Variants in TDP1 observed in about 807,000 individuals in gnomAD.
TDP1 encodes tyrosyl-DNA phosphodiesterase 1.
A neutral mutation model predicts 81.5 loss-of-function variants in TDP1; 64 were observed. That is an observed-to-expected ratio of 0.79 (90% CI 0.64 to 0.97). The LOEUF (loss-of-function observed/expected upper bound fraction) is 0.97, where lower values mean the gene tolerates loss of function less well. Among genes scored for constraint, TDP1 ranks in the 50% least tolerant of loss-of-function variants. TDP1 has a pLI of 0.00. For synonymous variants in TDP1, 256 were observed against 264.3 expected (o/e 0.97, Z 0.30); for missense variants, 723 against 743.8 (o/e 0.97, Z 0.33).
chr14:90,020,024 G>A (rs544963965), intron 15 of TDP1, among the ~76,000 whole-genome samples: 12 of 152,288 alleles, frequency 7.9e-5, no homozygotes, highest in East Asian at 1.9e-4. Context: ...GAAAAGCACC[G>A]TGTCGAACTG....
chr14:90,007,998 CT>C (rs1884247443), intron 14 of TDP1, among the ~76,000 whole-genome samples: 1 of 152,196 alleles, frequency 6.6e-6, no homozygotes, highest in South Asian at 2.1e-4. Flanking sequence ...GAAAAGCTGT[CT>C]CATCTCTGGC....
intron 5 of TDP1, among the ~76,000 whole-genome samples, chr14:89,970,128 G>T (rs928233996): frequency 6.6e-6 from 1 of 151,884 alleles, no homozygotes; most frequent in Non-Finnish European, 1.5e-5. Context: ...TGCCCGCCTC[G>T]GCCTCCCAAA....
At chr14:90,018,658 T>G (rs915696237) in intron 14 of TDP1, among the ~76,000 whole-genome samples, 5 of 151,964 alleles carry the variant, frequency 3.3e-5, no homozygotes, top group Non-Finnish European at 5.9e-5. Flanking sequence ...TTGCCATCTT[T>G]CCCAGGCTGG....
At chr14:89,959,138 C>G (rs1481071633) in intron 2 of TDP1, among the ~76,000 whole-genome samples, 2 of 152,166 alleles carry the variant, frequency 1.3e-5, no homozygotes, top group African/African-American at 4.8e-5. Flanking sequence ...AAACACTGTG[C>G]CGTTCTGATT....
intron 14 of TDP1, among the ~76,000 whole-genome samples, chr14:90,010,985 T>A (rs1884632210): frequency 6.6e-6 from 1 of 152,162 alleles, no homozygotes; most frequent in African/African-American, 2.4e-5. Context: ...CCCCACATGT[T>A]GTGGAAGGGA....
chr14:89,980,688 C>A, intron 8 of TDP1, 56 bp downstream of exon 8: 2 of 1,345,692 alleles, frequency 1.5e-6, no homozygotes, highest in Non-Finnish European at 2.1e-6. Context: ...AGGTCAAAAG[C>A]CAGAACATTC....
At chr14:89,964,582 T>A (rs1356605957) in intron 3 of TDP1, among the ~76,000 whole-genome samples, 2 of 152,248 alleles carry the variant, frequency 1.3e-5, no homozygotes, top group African/African-American at 4.8e-5. Context: ...GTTCTTTTTT[T>A]ATATATCCAG....
intron 14 of TDP1, among the ~76,000 whole-genome samples, chr14:90,008,706 C>T (rs1884343528): frequency 6.6e-6 from 1 of 152,234 alleles, no homozygotes; most frequent in African/African-American, 2.4e-5. Flanking sequence ...ATGTTGTTTA[C>T]TTTGAAATCT....
chr14:89,964,020 A>G (rs543474112), intron 3 of TDP1, among the ~76,000 whole-genome samples: 70 of 152,344 alleles, frequency 4.6e-4, no homozygotes, highest in South Asian at 4.6e-3. Flanking sequence ...GCCCTGGACC[A>G]GCAGCCTCAG....
intron 8 of TDP1, chr14:89,981,547 A>G (rs989790173): frequency 2.2e-6 from 1 of 447,052 alleles, no homozygotes; most frequent in Non-Finnish European, 4.5e-6. Context: ...ACGTTTGTCT[A>G]GCACCATTTC....
chr14:90,014,761 A>C (rs1265761182), intron 14 of TDP1, among the ~76,000 whole-genome samples: 1 of 152,214 alleles, frequency 6.6e-6, no homozygotes, highest in Non-Finnish European at 1.5e-5. Flanking sequence ...CTTAAAAAAA[A>C]CTTAAAAGTG....
At position 89,962,923 on chromosome 14, in the gene TDP1, A is replaced by G. The variant is rs1892502668; in HGVS notation, c.-7-185A>G. The G allele has an allele frequency of 3.0e-6, 3 of 985,148 alleles. No individual in the cohort carries two copies. The South Asian group carries it at 1.4e-4, about 46-fold the overall frequency. The allele number at this position is 985,148 out of a possible 1,614,324, so 61.0% of individuals were successfully genotyped here. ...AAGGTGACCAGGACTTTTGCTTGTGATTTGGCAGAATCTGATAGTGGATTC... is the reference window on the plus strand; with the variant it reads ...AAGGTGACCAGGACTTTTGCTTGTGGTTTGGCAGAATCTGATAGTGGATTC... On this transcript the variant is annotated intron_variant, in intron 2 of 16. Coordinates refer to ENST00000335725, the MANE Select transcript of TDP1 (RefSeq NM_018319.4).
intron 16 of TDP1, among the ~76,000 whole-genome samples, chr14:90,041,804 T>C (rs1306043868): frequency 6.6e-6 from 1 of 152,240 alleles, no homozygotes; most frequent in Non-Finnish European, 1.5e-5. Flanking sequence ...ATGGTTTGAC[T>C]CTAGCAGTGG....
At chr14:90,018,826 AAC>A in intron 14 of TDP1, 1 of 204,320 alleles carries the variant, frequency 4.9e-6, no homozygotes, top group Non-Finnish European at 8.6e-6. Flanking sequence ...AGATACAAAT[AAC>A]AGTCTTTGCC....
intron 11 of TDP1, chr14:89,989,293 CT>C: frequency 1.0e-6 from 1 of 984,868 alleles, no homozygotes; most frequent in Non-Finnish European, 1.2e-6. Flanking sequence ...ATATCCAGTG[CT>C]AAGAGCTTGC....
At chr14:89,960,448 C>A (rs1158782612) in intron 2 of TDP1, among the ~76,000 whole-genome samples, 1 of 152,176 alleles carries the variant, frequency 6.6e-6, no homozygotes, top group African/African-American at 2.4e-5. Context: ...AGTTTCTTAA[C>A]CCTTAGCAGA....
At chr14:89,978,134 G>T (rs1894562424) in intron 7 of TDP1, among the ~76,000 whole-genome samples, 1 of 152,040 alleles carries the variant, frequency 6.6e-6, no homozygotes, top group Admixed American at 6.6e-5. Context: ...TCCCACCAAG[G>T]CCATGTCTCC....
At chr14:89,990,220 A>G (rs1384706347) in intron 12 of TDP1, among the ~76,000 whole-genome samples, 1 of 152,128 alleles carries the variant, frequency 6.6e-6, no homozygotes, top group Non-Finnish European at 1.5e-5. Flanking sequence ...AACTTTGTTG[A>G]TATGTCTATT....
chr14:89,972,179 G>A (rs979225425), intron 6 of TDP1, among the ~76,000 whole-genome samples: 5 of 152,186 alleles, frequency 3.3e-5, no homozygotes, highest in African/African-American at 9.7e-5. Flanking sequence ...ATTGGCTCAC[G>A]GTTCTGCAGG....
Sources: allele counts gnomAD v4.1 joint callset (sites outside exome capture counted in the v4.1 genomes callset), GRCh38; gene constraint gnomAD v4.1.1; transcripts MANE v1.5; gene names NCBI Gene and HGNC (gene_info 2026-07-23, HGNC 2026-07-21).